MAPK10: variants seen among roughly 807,000 people sequenced by gnomAD.
MAPK10 encodes mitogen-activated protein kinase 10.
A neutral mutation model predicts 59.3 loss-of-function variants in MAPK10; 25 were observed. That is an observed-to-expected ratio of 0.42 (90% CI 0.31 to 0.59). The LOEUF (loss-of-function observed/expected upper bound fraction) is 0.59. Among genes scored for constraint, MAPK10 ranks in the 20% least tolerant of loss-of-function variants. The pLI is 0.15. For synonymous variants in MAPK10, 190 were observed against 200.5 expected (o/e 0.95, Z 0.44); for missense variants, 351 against 568.9 (o/e 0.62, Z 3.90).
intron 13 of MAPK10, chr4:86,028,833 A>C (rs1751681206): frequency 1.0e-5 from 3 of 295,926 alleles, no homozygotes. Context: ...ATGAGGGAAG[A>C]GGTAGCGGCT....
intron 2 of MAPK10, among the ~76,000 whole-genome samples, chr4:86,230,735 A>T (rs936455721): frequency 3.3e-5 from 5 of 152,212 alleles, no homozygotes; most frequent in African/African-American, 1.2e-4. Context: ...TATGCAATTT[A>T]AGTTTTAGCA....
At chr4:86,022,066 G>C (rs563138191) in intron 13 of MAPK10, among the ~76,000 whole-genome samples, 1 of 150,916 alleles carries the variant, frequency 6.6e-6, no homozygotes. Flanking sequence ...ACAGTGCAGT[G>C]GGGGGCTGAA....
chr4:86,251,175 A>AT (rs1159606335), intron 2 of MAPK10, among the ~76,000 whole-genome samples: 1 of 130,976 alleles, frequency 7.6e-6, no homozygotes, highest in Non-Finnish European at 1.6e-5. Flanking sequence ...ATTTTATTTT[A>AT]TTTATTTTTT....
At chr4:86,205,389 T>A (rs1002355758) in intron 2 of MAPK10, among the ~76,000 whole-genome samples, 2 of 151,956 alleles carry the variant, frequency 1.3e-5, no homozygotes, top group Non-Finnish European at 2.9e-5. Flanking sequence ...AAATTCACGA[T>A]CACAGTGAGA....
chr4:86,197,082 T>C (rs1166124480), intron 2 of MAPK10, among the ~76,000 whole-genome samples: 1 of 152,210 alleles, frequency 6.6e-6, no homozygotes, highest in Non-Finnish European at 1.5e-5. Flanking sequence ...AGTAGTTTTT[T>C]CTAATTCTGT....
chr4:86,527,541 A>G (rs190612989), intron 1 of MAPK10, among the ~76,000 whole-genome samples: 1 of 152,264 alleles, frequency 6.6e-6, no homozygotes, highest in East Asian at 1.9e-4. Flanking sequence ...GAGAAAAGGG[A>G]ATGCTTATAC....
chr4:86,525,440 C>T (rs1437458770), intron 1 of MAPK10, among the ~76,000 whole-genome samples: 1 of 152,142 alleles, frequency 6.6e-6, no homozygotes, highest in East Asian at 1.9e-4. Context: ...CTAAGGCCAG[C>T]GAAAACTTTT....
chr4:86,269,237 G>C (rs1939749834), intron 2 of MAPK10, among the ~76,000 whole-genome samples: 1 of 152,158 alleles, frequency 6.6e-6, no homozygotes, highest in Admixed American at 6.6e-5. Flanking sequence ...TAGTCTATTA[G>C]AATGAGCCAT....
chr4:86,308,778 C>T (rs1488990540), intron 2 of MAPK10: 1 of 152,086 alleles, frequency 6.6e-6, no homozygotes, highest in Non-Finnish European at 1.5e-5. Flanking sequence ...GAAAGCATAC[C>T]ATTTAAAAAT....
chr4:86,173,124 A>C (rs141781921), intron 3 of MAPK10, among the ~76,000 whole-genome samples: 3 of 152,292 alleles, frequency 2.0e-5, no homozygotes, highest in African/African-American at 7.2e-5. Flanking sequence ...AAACTAGTTT[A>C]AAATTCATAT....
chr4:86,071,613 C>A (rs1236163073), intron 9 of MAPK10, among the ~76,000 whole-genome samples: 1 of 150,544 alleles, frequency 6.6e-6, no homozygotes, highest in East Asian at 2.0e-4. Context: ...CTACATATGG[C>A]TAGCCAGTTT....
chr4:86,388,841 CTT>C (rs946389545), intron 1 of MAPK10, among the ~76,000 whole-genome samples: 22 of 152,238 alleles, frequency 1.4e-4, no homozygotes, highest in African/African-American at 5.1e-4. Context: ...TAGGTCATCT[CTT>C]ATTTCTAGCT....
At chr4:86,385,187 A>T (rs1741304985) in intron 1 of MAPK10, among the ~76,000 whole-genome samples, 1 of 152,054 alleles carries the variant, frequency 6.6e-6, no homozygotes, top group African/African-American at 2.4e-5. Flanking sequence ...AATAAAATAA[A>T]TAATTAATAA....
At chr4:86,369,185 C>A (rs1391769554) in intron 1 of MAPK10, among the ~76,000 whole-genome samples, 2 of 152,152 alleles carry the variant, frequency 1.3e-5, no homozygotes, top group Non-Finnish European at 2.9e-5. Flanking sequence ...TCACCTCTGA[C>A]CGTAATTTGT....
intron 4 of MAPK10, among the ~76,000 whole-genome samples, chr4:86,118,472 T>C (rs1170128401): frequency 2.6e-5 from 4 of 152,118 alleles, no homozygotes; most frequent in African/African-American, 9.7e-5. Context: ...GGTTTATTCC[T>C]AAAAGAGTGA....
At chr4:86,046,315 G>T (rs1050916910) in intron 11 of MAPK10, among the ~76,000 whole-genome samples, 13 of 151,576 alleles carry the variant, frequency 8.6e-5, no homozygotes, top group Admixed American at 7.9e-4. Context: ...TTGCCTGACT[G>T]CCCTGGCCAG....
chr4:86,173,220 A>G (rs545718142), intron 3 of MAPK10, among the ~76,000 whole-genome samples: 3 of 152,342 alleles, frequency 2.0e-5, no homozygotes, highest in Non-Finnish European at 2.9e-5. Flanking sequence ...ACTTCAAACT[A>G]TACTACAAGG....
At chr4:86,373,805 T>C (rs1415742216) in intron 1 of MAPK10, among the ~76,000 whole-genome samples, 1 of 152,184 alleles carries the variant, frequency 6.6e-6, no homozygotes, top group African/African-American at 2.4e-5. Context: ...CCACTGTTGA[T>C]GGGAGTGTAA....
intron 3 of MAPK10, among the ~76,000 whole-genome samples, chr4:86,189,415 C>G (rs954851722): frequency 2.6e-5 from 4 of 152,026 alleles, no homozygotes; most frequent in African/African-American, 9.7e-5. Context: ...TGTGTCCTCT[C>G]TTATTTCCTT....
Sources: allele counts gnomAD v4.1 joint callset (sites outside exome capture counted in the v4.1 genomes callset), GRCh38; gene constraint gnomAD v4.1.1; transcripts MANE v1.5; gene names NCBI Gene and HGNC (gene_info 2026-07-23, HGNC 2026-07-21).